ENOX1: variants seen among roughly 807,000 people sequenced by gnomAD.
ENOX1 encodes ecto-NOX disulfide-thiol exchanger 1, also known as candidate growth-related and time keeping constitutive hydroquinone (NADH) oxidase.
In ENOX1, 42 loss-of-function variants were observed where a neutral mutation model predicts 82.5. The observed-to-expected ratio is 0.51, with a 90% confidence interval of 0.40 to 0.66. The LOEUF is 0.66. Among genes scored for constraint, ENOX1 ranks in the 30% least tolerant of loss-of-function variants. ENOX1 has a pLI of 0.00. For synonymous variants in ENOX1, 271 were observed against 282.2 expected, an observed-to-expected ratio of 0.96 and a Z score of 0.40; for missense variants, 608 against 811.6, an observed-to-expected ratio of 0.75 and a Z score of 3.05.
chr13:43,401,892 A>AAAACAAAC (rs143060027), intron 5 of ENOX1, among the ~76,000 whole-genome samples: 11 of 152,032 alleles, frequency 7.2e-5, no homozygotes, highest in African/African-American at 2.4e-4. Flanking sequence ...ACTGCATCTC[A>AAAACAAAC]AAACAAACAA....
chr13:43,358,381 G>A (rs1410826467), intron 7 of ENOX1, among the ~76,000 whole-genome samples: 2 of 144,208 alleles, frequency 1.4e-5, no homozygotes, highest in Non-Finnish European at 3.0e-5. Flanking sequence ...TTCGAGGGAT[G>A]TGAAACCCAC....
intron 5 of ENOX1, among the ~76,000 whole-genome samples, chr13:43,396,998 C>T (rs2053194523): frequency 6.6e-6 from 1 of 152,180 alleles, no homozygotes; most frequent in African/African-American, 2.4e-5. Flanking sequence ...TGGCCCTGTG[C>T]TTTCCTCTTG....
At chr13:43,520,915 C>T (rs2077740362) in intron 2 of ENOX1, among the ~76,000 whole-genome samples, 1 of 152,124 alleles carries the variant, frequency 6.6e-6, no homozygotes, top group Admixed American at 6.5e-5. Context: ...ATTCTTCCAA[C>T]TTAGCTAAGG....
chr13:43,508,927 T>C (rs2077271472), intron 2 of ENOX1, among the ~76,000 whole-genome samples: 2 of 152,032 alleles, frequency 1.3e-5, no homozygotes, highest in South Asian at 4.1e-4. Context: ...AGCATATATA[T>C]GCATTTATTG....
At chr13:43,353,135 C>CGCTTTTATGAA (rs1385924924) in intron 8 of ENOX1, among the ~76,000 whole-genome samples, 1 of 152,158 alleles carries the variant, frequency 6.6e-6, no homozygotes, top group Non-Finnish European at 1.5e-5. Flanking sequence ...TTTCCATGTA[C>CGCTTTTATGAA]ATCTGGTCAT....
intron 14 of ENOX1, among the ~76,000 whole-genome samples, chr13:43,254,507 A>G (rs2043636827): frequency 6.6e-6 from 1 of 152,232 alleles, no homozygotes; most frequent in South Asian, 2.1e-4. Flanking sequence ...CTGTTCCTAA[A>G]TTCCAATCAA....
At chr13:43,364,796 T>A (rs1026801787) in intron 5 of ENOX1, among the ~76,000 whole-genome samples, 6 of 152,068 alleles carry the variant, frequency 3.9e-5, no homozygotes, top group Admixed American at 2.0e-4. Flanking sequence ...GAGGAGAGGA[T>A]AAAGGATGGG....
At chr13:43,358,006 G>A (rs773830290) in intron 7 of ENOX1, among the ~76,000 whole-genome samples, 6 of 152,172 alleles carry the variant, frequency 3.9e-5, no homozygotes, top group Non-Finnish European at 1.5e-5. Context: ...GGAAGCTGGA[G>A]GTGAGGCCTA....
chr13:43,628,886 G>C (rs185005617), intron 2 of ENOX1, among the ~76,000 whole-genome samples: 1 of 152,288 alleles, frequency 6.6e-6, no homozygotes, highest in African/African-American at 2.4e-5. Flanking sequence ...GGGGTTTCTA[G>C]ATCTCTCTGT....
At chr13:43,351,212 G>A (rs113391943) in intron 8 of ENOX1, among the ~76,000 whole-genome samples, 233 of 152,134 alleles carry the variant, frequency 1.5e-3, no homozygotes, top group African/African-American at 5.3e-3. Flanking sequence ...AATTAACCCC[G>A]CATCAACTAA....
chr13:43,306,130 C>T (rs2046845653), intron 11 of ENOX1, among the ~76,000 whole-genome samples: 1 of 152,152 alleles, frequency 6.6e-6, no homozygotes, highest in Non-Finnish European at 1.5e-5. Context: ...GGGGGAGGCT[C>T]TTTATGGAAG....
intron 2 of ENOX1, among the ~76,000 whole-genome samples, chr13:43,520,329 C>T (rs542865467): frequency 3.3e-5 from 5 of 152,176 alleles, no homozygotes; most frequent in Non-Finnish European, 5.9e-5. Context: ...TTTCATTATC[C>T]TTGGTAAGTA....
chr13:43,773,313 A>C (rs931311588), intron 1 of ENOX1, among the ~76,000 whole-genome samples: 2 of 152,206 alleles, frequency 1.3e-5, no homozygotes, highest in African/African-American at 4.8e-5. Flanking sequence ...GTTCACTTTA[A>C]AATGGTTCAT....
chr13:43,462,342 T>A (rs1156594227), intron 3 of ENOX1, among the ~76,000 whole-genome samples: 3 of 152,224 alleles, frequency 2.0e-5, no homozygotes, highest in African/African-American at 7.2e-5. Flanking sequence ...TTCCAATAGC[T>A]GGTCTTCATG....
chr13:43,320,104 A>C (rs145097987), intron 11 of ENOX1, among the ~76,000 whole-genome samples: 299 of 152,340 alleles, frequency 2.0e-3, no homozygotes, highest in African/African-American at 6.9e-3. Context: ...CCAAATATGC[A>C]GGGCTGAAAG....
chr13:43,633,004 C>T (rs373981489), intron 2 of ENOX1, among the ~76,000 whole-genome samples: 1 of 151,856 alleles, frequency 6.6e-6, no homozygotes. Flanking sequence ...TTTTCTTTTC[C>T]TCAAAATTTT....
intron 1 of ENOX1, among the ~76,000 whole-genome samples, chr13:43,741,481 A>G (rs2089909158): frequency 6.6e-6 from 1 of 152,198 alleles, no homozygotes; most frequent in Non-Finnish European, 1.5e-5. Context: ...ATAGCCATCT[A>G]AGCTGGTGTG....
intron 2 of ENOX1, among the ~76,000 whole-genome samples, chr13:43,616,121 T>TATATATAG (rs1402954672): frequency 2.3e-5 from 1 of 43,448 alleles, no homozygotes; most frequent in Non-Finnish European, 4.2e-5. Context: ...TCTATAGATC[T>TATATATAG]ATAGATATCT....
chr13:43,215,797 C>T (rs2041443410), intron 16 of ENOX1, among the ~76,000 whole-genome samples: 1 of 152,220 alleles, frequency 6.6e-6, no homozygotes, highest in African/African-American at 2.4e-5. Context: ...CCCAGCCAGC[C>T]TCTTCTCTGG....
Sources: gnomAD v4.1 joint callset for allele counts (sites outside exome capture counted in the v4.1 genomes callset) on GRCh38, gnomAD v4.1.1 for gene constraint, MANE v1.5 for transcripts, NCBI Gene and HGNC (gene_info 2026-07-23, HGNC 2026-07-21) for gene names.